The following PWWP3B variants were observed in gnomAD, a reference collection of about 807,000 sequenced individuals.
PWWP3B encodes PWWP domain-containing DNA repair factor 3B.
A neutral mutation model predicts 15.7 loss-of-function variants in PWWP3B; 5 were observed. The observed-to-expected ratio is 0.32, with a 90% confidence interval of 0.17 to 0.67. PWWP3B has a LOEUF of 0.67. Ranked by LOEUF, PWWP3B falls within the 30% of genes least tolerant of loss-of-function variation. The pLI is 0.74. For synonymous variants in PWWP3B, 203 were observed against 179.8 expected (o/e 1.13, Z -1.03); for missense variants, 519 against 493.1 (o/e 1.05, Z -0.50).
intron 2 of PWWP3B, among the ~76,000 whole-genome samples, chrX:106,194,494 C>A (rs186746033): frequency 1.2e-4 from 13 of 111,733 alleles, no homozygotes; most frequent in African/African-American, 1.6e-4. Flanking sequence ...GAATTTCCTC[C>A]TGTAGCTCGG....
chrX:106,173,046 T>G (rs2147581088), intron 2 of PWWP3B, among the ~76,000 whole-genome samples: 1 of 112,238 alleles, frequency 8.9e-6, no homozygotes, highest in South Asian at 3.7e-4. Flanking sequence ...TTAAATAATA[T>G]TTTGTAGTGG....
At chrX:106,186,245 G>A (rs1422466436) in intron 2 of PWWP3B, among the ~76,000 whole-genome samples, 1 of 110,733 alleles carries the variant, frequency 9.0e-6, no homozygotes, top group Admixed American at 9.6e-5. Flanking sequence ...CCAACTTGTT[G>A]TCAGGACCCC....
intron 2 of PWWP3B, among the ~76,000 whole-genome samples, chrX:106,184,679 C>A (rs1414929406): frequency 8.9e-6 from 1 of 112,198 alleles, no homozygotes. Flanking sequence ...AGCATGACAT[C>A]TCTCCAAGTG....
intron 2 of PWWP3B, among the ~76,000 whole-genome samples, chrX:106,197,191 A>G (rs1317701130): frequency 9.0e-6 from 1 of 111,659 alleles, no homozygotes; most frequent in African/African-American, 3.3e-5. Flanking sequence ...CTTTGGTCAG[A>G]TATATTTTCT....
chrX:106,207,141 T>G lies in PWWP3B; in HGVS notation c.1709T>G (p.Leu570Arg). ...AATGCAAAGGGAACAGAGAACCATC[T>G]TCTGGCCATTGTAAATGGCACAAAA... The part of the protein sequence containing the change: ...IVNAKGTENH[L>R]LAIVNGTKGS... The change falls in exon 4 of 4, where the codon CTT becomes CGT. Residue 570 changes from leucine to arginine, a missense_variant. By Grantham distance (102) the Leu-to-Arg change is moderately radical. Coordinates refer to ENST00000357175, the MANE Select transcript of PWWP3B (RefSeq NM_001171020.2). The G allele has an allele frequency of 8.3e-7, 1 of 1,206,227 alleles. No individual in the cohort carries two copies. The highest frequency in any genetic ancestry group is 3.0e-5 in the East Asian group (1 of 33,725).
chrX:106,169,644 A>G (rs775980399), intron 1 of PWWP3B, among the ~76,000 whole-genome samples: 1 of 111,895 alleles, frequency 8.9e-6, no homozygotes, highest in Non-Finnish European at 1.9e-5. Flanking sequence ...TTCAAGCAGA[A>G]CATATTTATC....
intron 2 of PWWP3B, among the ~76,000 whole-genome samples, chrX:106,200,693 A>C (rs1043823646): frequency 2.1e-4 from 23 of 111,818 alleles, no homozygotes; most frequent in African/African-American, 7.5e-4. Context: ...TAAAGACATA[A>C]ATTTTTAAAA....
chrX:106,172,178 G>A (rs866400482), intron 2 of PWWP3B, among the ~76,000 whole-genome samples: 1 of 110,494 alleles, frequency 9.1e-6, no homozygotes, highest in Admixed American at 9.7e-5. Context: ...CAGTGAGTGA[G>A]TGGTGAGTGA....
chrX:106,203,393 C>A (rs1382454425), intron 2 of PWWP3B, among the ~76,000 whole-genome samples: 1 of 111,402 alleles, frequency 9.0e-6, no homozygotes, highest in Non-Finnish European at 1.9e-5. Context: ...TGAGAAGACT[C>A]CTGGCTAGCT....
intron 1 of PWWP3B, 88 bp downstream of exon 1, chrX:106,168,513 C>A (rs1295277215): frequency 8.9e-6 from 1 of 112,301 alleles, no homozygotes; most frequent in Non-Finnish European, 1.9e-5. Flanking sequence ...GAATTAATAT[C>A]TGTGTTTTGT....
chrX:106,190,671 G>A (rs1312518334), intron 2 of PWWP3B, among the ~76,000 whole-genome samples: 1 of 111,813 alleles, frequency 8.9e-6, no homozygotes, highest in Non-Finnish European at 1.9e-5. Flanking sequence ...GGTTTTTATG[G>A]TTTTAGGTCT....
rs1389006487 is a variant in PWWP3B at position 106,205,859 on chromosome X, G to A, written c.427G>A (p.Gly143Arg). The change falls in exon 4 of 4, where the codon GGG (glycine) becomes AGG (arginine). Residue 143 changes from glycine to arginine, a missense_variant. Transcript: ENST00000357175. ...KYRKDEGDLP[G>R]CLEERENSAC... Reference sequence around the variant, plus strand: ...CCGGAAGGATGAAGGTGACTTACCAGGGTGTCTTGAGGAAAGGGAAAACTC... The same window carrying A: ...CCGGAAGGATGAAGGTGACTTACCAAGGTGTCTTGAGGAAAGGGAAAACTC... The A allele has an allele frequency of 8.3e-7, 1 of 1,211,521 alleles. No homozygotes were observed. The highest frequency in any genetic ancestry group is 1.1e-6 in the Non-Finnish European group (1 of 895,404).
chrX:106,199,451 G>A (rs1003514172), intron 2 of PWWP3B, among the ~76,000 whole-genome samples: 1 of 111,651 alleles, frequency 9.0e-6, no homozygotes, highest in Non-Finnish European at 1.9e-5. Flanking sequence ...GAAGTTTAAT[G>A]TTCCACTAAC....
intron 2 of PWWP3B, among the ~76,000 whole-genome samples, chrX:106,173,395 C>T (rs998733741): frequency 7.2e-5 from 8 of 110,908 alleles, no homozygotes; most frequent in African/African-American, 9.8e-5. Flanking sequence ...TTTTTGTACC[C>T]CCCCAAATAT....
intron 2 of PWWP3B, among the ~76,000 whole-genome samples, 188 bp downstream of exon 2, chrX:106,171,327 G>A (rs1201579084): frequency 1.8e-5 from 2 of 111,783 alleles, no homozygotes; most frequent in Non-Finnish European, 3.8e-5. Flanking sequence ...CTGTTCTACA[G>A]CTATCATGTT....
At chrX:106,177,921 T>A (rs960330792) in intron 2 of PWWP3B, among the ~76,000 whole-genome samples, 42 of 112,481 alleles carry the variant, frequency 3.7e-4, no homozygotes, top group African/African-American at 1.3e-3. Context: ...GAAGTTTTTT[T>A]AAAATCTATT....
chrX:106,188,296 A>G (rs995544047), intron 2 of PWWP3B, among the ~76,000 whole-genome samples: 2 of 112,253 alleles, frequency 1.8e-5, no homozygotes, highest in Non-Finnish European at 3.8e-5. Flanking sequence ...AAAAATTAAT[A>G]AAAGAGATCA....
chrX:106,202,162 G>A (rs1250375927), intron 2 of PWWP3B, among the ~76,000 whole-genome samples: 2 of 111,913 alleles, frequency 1.8e-5, no homozygotes, highest in African/African-American at 6.5e-5. Flanking sequence ...TAAGTTGATT[G>A]ATACATAAAA....
intron 2 of PWWP3B, among the ~76,000 whole-genome samples, chrX:106,191,076 G>A (rs1460863268): frequency 9.1e-6 from 1 of 109,514 alleles, no homozygotes; most frequent in Non-Finnish European, 1.9e-5. Flanking sequence ...TTCCAATTCT[G>A]TGAAGAAAGT....
Sources: allele counts gnomAD v4.1 joint callset (sites outside exome capture counted in the v4.1 genomes callset), GRCh38; gene constraint gnomAD v4.1.1; transcripts MANE v1.5; gene names NCBI Gene and HGNC (gene_info 2026-07-23, HGNC 2026-07-21).